The following ADAMTS14 variants were observed in gnomAD, a reference collection of about 807,000 sequenced individuals.
The protein encoded by ADAMTS14 is ADAM metallopeptidase with thrombospondin type 1 motif 14.
Under a neutral mutation model 128.6 loss-of-function variants are expected in ADAMTS14, and 100 were observed. The ratio of observed to expected loss-of-function variants is 0.78; its 90% CI spans 0.66 to 0.92. The LOEUF (loss-of-function observed/expected upper bound fraction) is 0.92. ADAMTS14 is among the 40% of genes least tolerant of loss of function. The pLI is 0.00. For missense variants in ADAMTS14, 1,562 were observed against 1,658.6 expected (o/e 0.94, Z 1.01); for synonymous variants, 665 against 653.8 (o/e 1.02, Z -0.26).
In ADAMTS14 at chr10:70,703,869, G is replaced by A. The variant is rs952374290; in HGVS notation, c.679+1401G>A. 7.9e-5 allele frequency among the ~76,000 whole-genome samples: 12 copies of A among 152,242 alleles called. No homozygotes were observed. The South Asian group carries it at 2.5e-3, about 31-fold the overall frequency. On this transcript the variant is annotated intron_variant, in intron 3 of 21. Transcript: ENST00000373207. Reference sequence around the variant, plus strand: ...GGGGCTGGAACTCCAGTGAGGCCAGGCCCTGGTCCATCTACGGGCCTTCCT... The same window carrying A: ...GGGGCTGGAACTCCAGTGAGGCCAGACCCTGGTCCATCTACGGGCCTTCCT...
intron 19 of ADAMTS14, among the ~76,000 whole-genome samples, chr10:70,757,306 A>C (rs1842499741): frequency 6.6e-6 from 1 of 152,148 alleles, no homozygotes; most frequent in Non-Finnish European, 1.5e-5. Context: ...ACCCTGCTCC[A>C]TCAGGGAAGA....
chr10:70,752,181 A>T lies in ADAMTS14; in HGVS notation c.2683A>T (p.Lys895Ter), dbSNP rs761830741. The change falls in exon 18 of 22, where the codon AAG becomes TAG. Residue 895 changes from lysine (K) to a stop codon, truncating the protein, a stop_gained. Transcript: ENST00000373207. LOFTEE classifies it high-confidence loss of function. ...RHLCDHKKRP[K>*]PIRRRCNQHP... ...CCTGTGTGACCACAAGAAGAGGCCC[A>T]AGCCCATCCGCCGGCGCTGCAACCA... 4 of 1,613,616 alleles carry T rather than the reference A, an allele frequency of 2.5e-6. No individual in the cohort carries two copies. Among genetic ancestry groups the T allele is most frequent in the Admixed American group, 3.3e-5 (2 of 59,998 alleles).
chr10:70,745,892 G>A (rs1842164479), intron 15 of ADAMTS14, among the ~76,000 whole-genome samples: 1 of 152,142 alleles, frequency 6.6e-6, no homozygotes, highest in Non-Finnish European at 1.5e-5. Flanking sequence ...GGGTCATGGA[G>A]GTGGCAGGGC....
intron 4 of ADAMTS14, among the ~76,000 whole-genome samples, chr10:70,716,645 C>A (rs143894877): frequency 1.3e-5 from 2 of 152,208 alleles, no homozygotes; most frequent in Non-Finnish European, 2.9e-5. Flanking sequence ...TAACAGCTTG[C>A]CTTTGCATTC....
chr10:70,695,103 G>A (rs570978609), intron 2 of ADAMTS14, among the ~76,000 whole-genome samples: 2 of 152,292 alleles, frequency 1.3e-5, no homozygotes, highest in South Asian at 4.2e-4. Context: ...TTTCCCTGAT[G>A]ACTGATGATA....
rs747290037 is a variant in ADAMTS14, at chr10:70,758,221, G to T, written c.3114G>T (p.Gly1038=). The T allele has an allele frequency of 6.2e-7, 1 of 1,614,224 alleles. No homozygotes were observed. Among genetic ancestry groups the T allele is most frequent in the Non-Finnish European group, 8.5e-7 (1 of 1,180,030 alleles). ...STVRADVWEL[G]TPEGQWVPQS... Reference sequence around the variant, plus strand: ...TGAGGGCCGATGTCTGGGAACTTGGGACGCCAGAGGGGCAGTGGGTGCCAC... The same window carrying T: ...TGAGGGCCGATGTCTGGGAACTTGGTACGCCAGAGGGGCAGTGGGTGCCAC... The change falls in exon 21 of 22, where the codon GGG becomes GGT. Residue 1038 remains glycine (G), a synonymous_variant. Coordinates refer to ENST00000373207, the MANE Select transcript of ADAMTS14 (RefSeq NM_080722.4).
In ADAMTS14 at chr10:70,739,136, G is replaced by A. The variant is rs910230666; in HGVS notation, c.1748+146G>A. ...TGCTAACGCATGAGGACACAAACTTGTTGGTGGAGGCAGATCACTCCTACC... is the reference window on the plus strand; with the variant it reads ...TGCTAACGCATGAGGACACAAACTTATTGGTGGAGGCAGATCACTCCTACC... On this transcript the variant is annotated intron_variant, in intron 11 of 21. Coordinates refer to ENST00000373207, the MANE Select transcript of ADAMTS14 (RefSeq NM_080722.4). 8 of 1,028,130 alleles carry A rather than the reference G, an allele frequency of 7.8e-6. No individual in the cohort carries two copies. The African/African-American group carries it at 1.3e-4, about 17-fold the overall frequency. The allele number at this position is 1,028,130 out of a possible 1,614,324, so 63.7% of individuals were successfully genotyped here. A position where few individuals can be genotyped will look rare whatever the true frequency, so the allele number is the denominator to read the frequency against.
At chr10:70,715,015 A>T (rs1236923961) in intron 4 of ADAMTS14, among the ~76,000 whole-genome samples, 1 of 150,944 alleles carries the variant, frequency 6.6e-6, no homozygotes, top group Non-Finnish European at 1.5e-5. Flanking sequence ...TAATAGGGAG[A>T]GAAAGGGGAA....
chr10:70,676,105 A>C (rs1839638926), intron 2 of ADAMTS14, among the ~76,000 whole-genome samples: 1 of 150,494 alleles, frequency 6.6e-6, no homozygotes, highest in Non-Finnish European at 1.5e-5. Flanking sequence ...ATTTCCTCCC[A>C]ATCATCAGTC....
intron 15 of ADAMTS14, among the ~76,000 whole-genome samples, chr10:70,748,202 C>T (rs967905377): frequency 4.6e-5 from 7 of 152,168 alleles, no homozygotes; most frequent in Admixed American, 1.3e-4. Context: ...AGATACAGAA[C>T]AGGTCAGTGG....
In ADAMTS14 at chr10:70,744,192, G is replaced by T; in HGVS notation, c.2182+3G>T. 6.6e-7 allele frequency: 1 copy of T among 1,525,820 alleles called. No individual in the cohort carries two copies. The highest frequency in any genetic ancestry group is 2.5e-5 in the East Asian group (1 of 40,572). The allele number at this position is 1,525,820 out of a possible 1,614,324, so 94.5% of individuals were successfully genotyped here. A position where few individuals can be genotyped will look rare whatever the true frequency, so the allele number is the denominator to read the frequency against. On this transcript the variant is annotated splice_donor_region_variant and intron_variant, in intron 14 of 21. Coordinates refer to ENST00000373207, the MANE Select transcript of ADAMTS14 (RefSeq NM_080722.4). ...GGGCAAGGCCTCCAAGCAGGCAGGT[G>T]AGCCGGGCTGGGGCTGGGGGGATGA...
At chr10:70,711,116 G>A (rs1046407717) in intron 4 of ADAMTS14, among the ~76,000 whole-genome samples, 1 of 152,220 alleles carries the variant, frequency 6.6e-6, no homozygotes, top group Non-Finnish European at 1.5e-5. Flanking sequence ...GGGTCAAATT[G>A]GGGGAGGGAC....
intron 8 of ADAMTS14, among the ~76,000 whole-genome samples, chr10:70,734,514 C>T (rs1174578829): frequency 6.6e-6 from 1 of 152,168 alleles, no homozygotes; most frequent in East Asian, 1.9e-4. Context: ...TTCCCCCAGG[C>T]CCCAAGGAAA....
intron 14 of ADAMTS14, 104 bp downstream of exon 14, chr10:70,744,293 A>G (rs931723865): frequency 1.0e-5 from 14 of 1,352,932 alleles, no homozygotes; most frequent in Non-Finnish European, 1.3e-5. Flanking sequence ...TGGGGTGGGG[A>G]GAAGGGGCCC....
chr10:70,672,847 C>T lies in ADAMTS14; in HGVS notation c.45C>T (p.His15=). 1 of 1,510,800 alleles carries T rather than the reference C, an allele frequency of 6.6e-7. No homozygotes were observed. Among genetic ancestry groups the T allele is most frequent in the Non-Finnish European group, 8.8e-7 (1 of 1,134,660 alleles). 93.6% of individuals were successfully genotyped at this position (1,510,800 alleles called of 1,614,324 possible). The change falls in exon 1 of 22, where the codon CAC becomes CAT. Residue 15 remains histidine (H), a synonymous_variant. Coordinates refer to ENST00000373207, the MANE Select transcript of ADAMTS14 (RefSeq NM_080722.4). ...RALLSYLLPL[H]CALCAAAGSR... ...TGCTGTCCTACCTGCTGCCTTTGCACTGTGCGCTCTGCGCCGCCGCGGGCA... is the reference window on the plus strand; with the variant it reads ...TGCTGTCCTACCTGCTGCCTTTGCATTGTGCGCTCTGCGCCGCCGCGGGCA...
At chr10:70,730,356 A>G in intron 6 of ADAMTS14, 107 bp downstream of exon 6, 1 of 1,428,204 alleles carries the variant, frequency 7.0e-7, no homozygotes, top group Non-Finnish European at 9.4e-7. Flanking sequence ...CACCACATGG[A>G]GGTTTGAAGG....
chr10:70,723,574 C>T (rs1053488869), intron 4 of ADAMTS14, among the ~76,000 whole-genome samples: 5 of 152,180 alleles, frequency 3.3e-5, no homozygotes, highest in African/African-American at 9.7e-5. Flanking sequence ...CCAGGCCATT[C>T]GCCGCGAGGA....
At chr10:70,705,076 C>T (rs1840619969) in intron 3 of ADAMTS14, among the ~76,000 whole-genome samples, 2 of 152,154 alleles carry the variant, frequency 1.3e-5, no homozygotes, top group Non-Finnish European at 2.9e-5. Context: ...TACACATACT[C>T]TCATATATAC....
At chr10:70,746,822 G>C (rs1842193679) in intron 15 of ADAMTS14, among the ~76,000 whole-genome samples, 1 of 152,104 alleles carries the variant, frequency 6.6e-6, no homozygotes, top group African/African-American at 2.4e-5. Flanking sequence ...CTGTGAGCCT[G>C]GTTCAGAGCA....
Sources: allele counts gnomAD v4.1 joint callset (sites outside exome capture counted in the v4.1 genomes callset), GRCh38; gene constraint gnomAD v4.1.1; transcripts MANE v1.5; gene names NCBI Gene and HGNC (gene_info 2026-07-23, HGNC 2026-07-21).